Variants in KLHL1 observed in about 807,000 individuals in gnomAD.
KLHL1 encodes kelch-like protein 1.
Under a neutral mutation model 77.7 loss-of-function variants are expected in KLHL1, and 47 were observed. The ratio of observed to expected loss-of-function variants is 0.60; its 90% confidence interval spans 0.48 to 0.77. The LOEUF is 0.77. Ranked by LOEUF, KLHL1 falls within the 30% of genes least tolerant of loss-of-function variation. The probability of loss-of-function intolerance (pLI) is 0.00; values close to 1 mark genes in which losing one functional copy is unlikely to be tolerated. For missense variants in KLHL1, 925 were observed against 910.8 expected (o/e 1.02, Z -0.20); for synonymous variants, 360 against 325.2 (o/e 1.11, Z -1.15).
At chr13:70,073,561 A>AG (rs1007598505) in intron 1 of KLHL1, among the ~76,000 whole-genome samples, 11 of 151,722 alleles carry the variant, frequency 7.3e-5, no homozygotes, top group Admixed American at 3.9e-4. Context: ...GTGTAATAAA[A>AG]AAAAAAATGT....
At chr13:70,070,043 C>A (rs1466613764) in intron 1 of KLHL1, among the ~76,000 whole-genome samples, 6 of 151,666 alleles carry the variant, frequency 4.0e-5, no homozygotes, top group African/African-American at 1.2e-4. Flanking sequence ...TGGCGGGCAC[C>A]TGTAGTCCCA....
At chr13:69,859,626 A>C (rs1443992223) in intron 5 of KLHL1, among the ~76,000 whole-genome samples, 1 of 152,134 alleles carries the variant, frequency 6.6e-6, no homozygotes, top group Non-Finnish European at 1.5e-5. Context: ...ATTGTATAAA[A>C]GGGATATGCT....
intron 1 of KLHL1, among the ~76,000 whole-genome samples, chr13:70,069,594 T>C (rs956969891): frequency 1.3e-5 from 2 of 151,940 alleles, no homozygotes; most frequent in African/African-American, 4.8e-5. Flanking sequence ...CAACATGCAA[T>C]AGCAGATGGA....
intron 1 of KLHL1, among the ~76,000 whole-genome samples, chr13:69,987,363 AGAGAAAC>A (rs1385644208): frequency 6.6e-6 from 1 of 152,098 alleles, no homozygotes; most frequent in Non-Finnish European, 1.5e-5. Context: ...TACTTTGGAG[AGAGAAAC>A]TCATAGAACC....
rs1275011487 is a variant in KLHL1, at chr13:69,796,700, A to G, written c.1639+38T>C. ...ATCATATAGTTACATTATCAATAAC[A>G]TGTTTCTAAAAGTAATATCAATAAA... On this transcript the variant is annotated intron_variant, in intron 7 of 10. Coordinates refer to ENST00000377844, the MANE Select transcript of KLHL1 (RefSeq NM_020866.3). The G allele has an allele frequency of 5.1e-6, 7 of 1,367,250 alleles. No homozygotes were observed. The African/African-American group carries it at 1.0e-4, about 20-fold the overall frequency. 84.7% of individuals were successfully genotyped at this position (1,367,250 alleles called of 1,614,324 possible). A position where few individuals can be genotyped will look rare whatever the true frequency, so the allele number is the denominator to read the frequency against.
intron 1 of KLHL1, among the ~76,000 whole-genome samples, chr13:69,994,192 C>T (rs758762994): frequency 6.6e-6 from 1 of 152,046 alleles, no homozygotes; most frequent in Non-Finnish European, 1.5e-5. Context: ...CCAAATCTAA[C>T]AGTGATATAC....
At chr13:69,773,635 C>T (rs1875684932) in intron 7 of KLHL1, among the ~76,000 whole-genome samples, 2 of 151,790 alleles carry the variant, frequency 1.3e-5, no homozygotes. Context: ...TATTAGGTGA[C>T]TCTACAATTT....
chr13:69,885,034 G>A (rs1192912372), intron 4 of KLHL1, among the ~76,000 whole-genome samples: 2 of 131,920 alleles, frequency 1.5e-5, no homozygotes, highest in East Asian at 2.0e-4. Flanking sequence ...TCCGCTTCCC[G>A]GGTTCACGCC....
intron 8 of KLHL1, among the ~76,000 whole-genome samples, chr13:69,723,434 C>T (rs951178621): frequency 1.3e-5 from 2 of 151,966 alleles, no homozygotes; most frequent in African/African-American, 4.8e-5. Flanking sequence ...CATTATAACC[C>T]ATGAATATGT....
At chr13:69,882,809 T>C (rs1405953665) in intron 4 of KLHL1, among the ~76,000 whole-genome samples, 2 of 152,140 alleles carry the variant, frequency 1.3e-5, no homozygotes, top group Non-Finnish European at 2.9e-5. Flanking sequence ...ATTTGGTGAA[T>C]AGGAAAAAAT....
At chr13:69,875,787 T>G (rs1052757577) in intron 5 of KLHL1, among the ~76,000 whole-genome samples, 2 of 152,164 alleles carry the variant, frequency 1.3e-5, no homozygotes, top group Admixed American at 6.6e-5. Context: ...CATTATTTAT[T>G]GTCTATGTAT....
chr13:69,890,088 C>T (rs1050016413), intron 4 of KLHL1, among the ~76,000 whole-genome samples: 1 of 151,932 alleles, frequency 6.6e-6, no homozygotes, highest in Non-Finnish European at 1.5e-5. Flanking sequence ...AAGAATTTTA[C>T]TTTCTAGTGA....
At chr13:70,093,621 A>T (rs1261557187) in intron 1 of KLHL1, among the ~76,000 whole-genome samples, 4 of 152,134 alleles carry the variant, frequency 2.6e-5, no homozygotes, top group African/African-American at 4.8e-5. Context: ...AATTGTGTAT[A>T]AGGGGGGATA....
At chr13:69,820,890 G>T (rs974955661) in intron 6 of KLHL1, among the ~76,000 whole-genome samples, 1 of 152,146 alleles carries the variant, frequency 6.6e-6, no homozygotes, top group African/African-American at 2.4e-5. Flanking sequence ...TACAGTAGAG[G>T]TTTATTTTCT....
chr13:69,739,542 G>A (rs1353173313), intron 8 of KLHL1, among the ~76,000 whole-genome samples: 1 of 152,114 alleles, frequency 6.6e-6, no homozygotes, highest in African/African-American at 2.4e-5. Context: ...CAAAATAAAA[G>A]GATGGAGGAA....
chr13:70,025,345 T>A (rs978027), intron 1 of KLHL1, among the ~76,000 whole-genome samples: 14 of 151,882 alleles, frequency 9.2e-5, no homozygotes, highest in Admixed American at 3.9e-4. Context: ...GACTTTGAGG[T>A]GGAATTATTT....
At chr13:69,951,242 C>G (rs1434295819) in intron 3 of KLHL1, among the ~76,000 whole-genome samples, 2 of 151,420 alleles carry the variant, frequency 1.3e-5, no homozygotes, top group Non-Finnish European at 3.0e-5. Flanking sequence ...ACTTACAAAG[C>G]CTTATACACC....
intron 1 of KLHL1, among the ~76,000 whole-genome samples, chr13:70,012,577 A>T (rs2501249): frequency 0.99 from 151,199 of 152,170 alleles, 75,129 homozygotes; most frequent in East Asian, 1. Flanking sequence ...ATTATTAAAC[A>T]TGTGATTAGA....
rs1012540217 is a variant in KLHL1, at chr13:70,035,678, T to A, written c.498-59876A>T. Among the ~76,000 whole-genome samples, 3 of 151,882 alleles carry A rather than the reference T, an allele frequency of 2.0e-5. No homozygotes were observed. In the South Asian group the frequency reaches 6.2e-4, roughly 32 times the overall value. On this transcript the variant is annotated intron_variant, in intron 1 of 10. Coordinates refer to ENST00000377844, the MANE Select transcript of KLHL1 (RefSeq NM_020866.3). ...GAAAATTAGGGAAAGGAGACTGAGG[T>A]AGTTTTGGTAATCTAGCAGCAGGAG...
Sources: gnomAD v4.1 joint callset for allele counts (sites outside exome capture counted in the v4.1 genomes callset) on GRCh38, gnomAD v4.1.1 for gene constraint, MANE v1.5 for transcripts, NCBI Gene and HGNC (gene_info 2026-07-23, HGNC 2026-07-21) for gene names.